The following TCP11L2 variants were observed in gnomAD, a reference collection of about 807,000 sequenced individuals.
TCP11L2 encodes t-complex 11 like 2.
Under a neutral mutation model 50.7 loss-of-function variants are expected in TCP11L2, and 39 were observed. The ratio of observed to expected loss-of-function variants is 0.77; its 90% CI spans 0.60 to 1.01. The LOEUF (loss-of-function observed/expected upper bound fraction) is 1.01, where lower values mean the gene tolerates loss of function less well. Ranked by LOEUF, TCP11L2 falls within the 50% of genes least tolerant of loss-of-function variation. TCP11L2 has a pLI of 0.00. For synonymous variants in TCP11L2, 192 were observed against 219.3 expected (o/e 0.88, Z 1.10); for missense variants, 612 against 614.7 (o/e 1.00, Z 0.05).
rs2034836959 is a variant in TCP11L2 at position 106,311,123 on chromosome 12, C to T, written c.48C>T (p.Ser16=). 3 of 1,614,068 alleles carry T rather than the reference C, an allele frequency of 1.9e-6. No individual in the cohort carries two copies. Among genetic ancestry groups the T allele is most frequent in the African/African-American group, 1.3e-5 (1 of 74,920 alleles). ...AGTGTGTGGGAGAGGACCAGCCAAG[C>T]GATTCTGATTCTTCCCGGTTTTCCG... ...EKQCVGEDQP[S]DSDSSRFSES... The change falls in exon 2 of 10, where the codon AGC becomes AGT. Residue 16 remains serine (S), a synonymous_variant. Transcript: ENST00000299045.
chr12:106,340,909 T>TACCC lies in TCP11L2; in HGVS notation c.1229_1232dup (p.Leu412HisfsTer5). On this transcript the variant is annotated frameshift_variant, in exon 9 of 10. Coordinates refer to ENST00000299045, the MANE Select transcript of TCP11L2 (RefSeq NM_152772.3). LOFTEE classifies it high-confidence loss of function. ...AACAAGACCCTGATGGAAAGAGGTT[T>TACCC]ACCCACTTTAAATGCTGAGATTCAA... 6.2e-7 allele frequency: 1 copy of TACCC among 1,613,450 alleles called. No homozygotes were observed.
chr12:106,334,222 C>G (rs930943870), intron 6 of TCP11L2, among the ~76,000 whole-genome samples: 3 of 152,000 alleles, frequency 2.0e-5, no homozygotes, highest in African/African-American at 7.3e-5. Flanking sequence ...GAGGGCTGTA[C>G]TAAGAGATGT....
Position 106,311,069 on chromosome 12 carries a change from A to G in TCP11L2, c.-7A>G. ...CTACCTTTTTACCCACACTTAAGTG[A>G]CGCAAAATGCCCTTCAATGGCGAGA... On this transcript the variant is annotated 5_prime_UTR_variant, in exon 2 of 10. Coordinates refer to ENST00000299045, the MANE Select transcript of TCP11L2 (RefSeq NM_152772.3). 1 of 1,613,936 alleles carries G rather than the reference A, an allele frequency of 6.2e-7. No homozygotes were observed.
intron 3 of TCP11L2, among the ~76,000 whole-genome samples, chr12:106,316,044 C>A (rs2136665582): frequency 6.6e-6 from 1 of 152,302 alleles, no homozygotes; most frequent in Non-Finnish European, 1.5e-5. Flanking sequence ...GGATGTTGTT[C>A]ATTTAATATT....
intron 8 of TCP11L2, among the ~76,000 whole-genome samples, chr12:106,339,549 A>G (rs2036027850): frequency 1.3e-5 from 2 of 152,202 alleles, no homozygotes; most frequent in Admixed American, 1.3e-4. Context: ...AATGTTTGCC[A>G]AGGCCTATGT....
chr12:106,315,682 G>A (rs1408858614), intron 3 of TCP11L2, among the ~76,000 whole-genome samples: 1 of 152,136 alleles, frequency 6.6e-6, no homozygotes, highest in Non-Finnish European at 1.5e-5. Context: ...AGGAATCACA[G>A]CTGCAAGAGG....
upstream of TCP11L2, chr12:106,302,003 T>C (rs2136567747): frequency 6.6e-6 from 1 of 152,400 alleles, no homozygotes; most frequent in Non-Finnish European, 1.5e-5. Context: ...GGTGCAAATC[T>C]AGACCCGTGT....
rs201046683 is a variant in TCP11L2 at position 106,335,658 on chromosome 12, A to G, written c.792A>G (p.Thr264=). The part of the protein sequence containing the change: ...EETPSALDQT[T]EWIKESVNEE... ...TCTTAGGTGCTCTTGATCAGACTAC[A>G]GAATGGATAAAAGAATCTGTAAATG... The change falls in exon 7 of 10, where the codon ACA becomes ACG. Residue 264 remains threonine, a synonymous_variant. Coordinates refer to ENST00000299045, the MANE Select transcript of TCP11L2 (RefSeq NM_152772.3). 1.1e-5 allele frequency: 17 copies of G among 1,614,082 alleles called. No individual in the cohort carries two copies. Among genetic ancestry groups the G allele is most frequent in the African/African-American group, 8.0e-5 (6 of 74,924 alleles).
intron 6 of TCP11L2, among the ~76,000 whole-genome samples, chr12:106,335,349 T>C (rs1311830496): frequency 6.6e-6 from 1 of 152,220 alleles, no homozygotes; most frequent in African/African-American, 2.4e-5. Context: ...GCATCCAGAA[T>C]GTGACATCTA....
chr12:106,331,201 A>T (rs1482796402), intron 6 of TCP11L2, among the ~76,000 whole-genome samples: 2 of 152,174 alleles, frequency 1.3e-5, no homozygotes, highest in Non-Finnish European at 2.9e-5. Flanking sequence ...ATACTGCATA[A>T]ACTAGATTTT....
chr12:106,336,959 T>C (rs2035942842), intron 8 of TCP11L2, among the ~76,000 whole-genome samples: 1 of 152,218 alleles, frequency 6.6e-6, no homozygotes, highest in Non-Finnish European at 1.5e-5. Flanking sequence ...TGTGACACAG[T>C]CCAGTGAAGA....
chr12:106,334,138 G>T (rs1255101954), intron 6 of TCP11L2, among the ~76,000 whole-genome samples: 1 of 152,200 alleles, frequency 6.6e-6, no homozygotes, highest in African/African-American at 2.4e-5. Context: ...CTCAACCCAA[G>T]TATGAGATGC....
At chr12:106,327,220 G>A (rs1005990732) in intron 6 of TCP11L2, among the ~76,000 whole-genome samples, 31 of 151,330 alleles carry the variant, frequency 2.0e-4, no homozygotes, top group African/African-American at 5.8e-4. Context: ...AAGAGACAGA[G>A]TCTCACTCTA....
upstream of TCP11L2, among the ~76,000 whole-genome samples, chr12:106,301,578 G>C (rs1273396915): frequency 6.6e-6 from 1 of 152,174 alleles, no homozygotes; most frequent in Non-Finnish European, 1.5e-5. Context: ...TGTTGTTGTT[G>C]TTTTTGAACG....
At chr12:106,320,025 C>T (rs1291751974) in intron 4 of TCP11L2, among the ~76,000 whole-genome samples, 2 of 152,184 alleles carry the variant, frequency 1.3e-5, no homozygotes, top group Non-Finnish European at 2.9e-5. Flanking sequence ...GAACTTTTAC[C>T]TGTAGACGTT....
chr12:106,336,078 T>C lies in TCP11L2; in HGVS notation c.1007T>C (p.Leu336Pro). The change falls in exon 8 of 10, where the codon CTG (leucine) becomes CCG (proline). Residue 336 changes from leucine (L) to proline (P), a missense_variant. Transcript: ENST00000299045. ...GARLQELTEKLNQLKIIACLS... is the reference protein window; with the variant it reads ...GARLQELTEKPNQLKIIACLS... Reference sequence around the variant, plus strand: ...CGTCTTCAGGAACTAACAGAAAAGCTGAATCAATTGAAAATTATTGCCTGC... The same window carrying C: ...CGTCTTCAGGAACTAACAGAAAAGCCGAATCAATTGAAAATTATTGCCTGC... 2.5e-6 allele frequency: 4 copies of C among 1,614,076 alleles called. No individual in the cohort carries two copies. Among genetic ancestry groups the C allele is most frequent in the Non-Finnish European group, 3.4e-6 (4 of 1,179,962 alleles).
At chr12:106,345,723 C>T (rs2036210526) in intron 9 of TCP11L2, among the ~76,000 whole-genome samples, 1 of 151,946 alleles carries the variant, frequency 6.6e-6, no homozygotes, top group African/African-American at 2.4e-5. Context: ...AAAAAATAAG[C>T]ATTTATTATT....
intron 9 of TCP11L2, among the ~76,000 whole-genome samples, chr12:106,342,802 A>T (rs1038160000): frequency 3.3e-5 from 5 of 152,148 alleles, no homozygotes; most frequent in Middle Eastern, 3.2e-3. Context: ...TCTGACTGGC[A>T]CGTCAGTCAG....
At chr12:106,338,320 T>C (rs1301694664) in intron 8 of TCP11L2, among the ~76,000 whole-genome samples, 1 of 152,196 alleles carries the variant, frequency 6.6e-6, no homozygotes, top group Non-Finnish European at 1.5e-5. Context: ...CCTCCAGACC[T>C]CCACCTTTAA....
Sources: allele counts gnomAD v4.1 joint callset (sites outside exome capture counted in the v4.1 genomes callset), GRCh38; gene constraint gnomAD v4.1.1; transcripts MANE v1.5; gene names NCBI Gene and HGNC (gene_info 2026-07-23, HGNC 2026-07-21).